TNFRSF8: variants seen among roughly 807,000 people sequenced by gnomAD.
TNFRSF8 encodes the protein TNF receptor superfamily member 8, also known as tumor necrosis factor receptor superfamily member 8.
TNFRSF8 carries 26 observed loss-of-function variants against 70.8 expected under a neutral mutation model. The observed-to-expected ratio is 0.37, with a 90% confidence interval of 0.27 to 0.51. The LOEUF is 0.51. Ranked by LOEUF, TNFRSF8 falls within the 20% of genes least tolerant of loss-of-function variation. The pLI, the probability that TNFRSF8 is intolerant of heterozygous loss-of-function variation, is 0.94. For synonymous variants in TNFRSF8, 356 were observed against 339.2 expected (o/e 1.05, Z -0.54); for missense variants, 720 against 807.9 (o/e 0.89, Z 1.32).
In TNFRSF8 at chr1:12,073,026, G is replaced by A. The variant is rs572776331; in HGVS notation, c.63+9365G>A. On this transcript the variant is annotated intron_variant, in intron 1 of 14. Transcript: ENST00000263932. ...CACCAGGCTGGGCGCCAAGGCTCAC[G>A]CCTGTATTCCCAGCATTCTGGGAGG... 7.4e-4 allele frequency among the ~76,000 whole-genome samples: 113 copies of A among 152,332 alleles called. 2 individuals carry two copies. The South Asian group carries it at 0.018, about 24-fold the overall frequency.
At chr1:12,121,382 G>T (rs1017124586) in intron 8 of TNFRSF8, among the ~76,000 whole-genome samples, 1 of 152,196 alleles carries the variant, frequency 6.6e-6, no homozygotes, top group African/African-American at 2.4e-5. Flanking sequence ...TATGTGTGTG[G>T]GGTTGCTTTG....
intron 12 of TNFRSF8, among the ~76,000 whole-genome samples, chr1:12,126,780 T>C (rs927764035): frequency 6.6e-6 from 1 of 152,240 alleles, no homozygotes; most frequent in African/African-American, 2.4e-5. Context: ...AGTTTCCTCA[T>C]CCGGAAAATG....
At chr1:12,126,804 C>CT (rs1641949341) in intron 12 of TNFRSF8, among the ~76,000 whole-genome samples, 1 of 152,254 alleles carries the variant, frequency 6.6e-6, no homozygotes, top group Non-Finnish European at 1.5e-5. Context: ...ATGGTAGAAT[C>CT]TACTTCAGAG....
intron 8 of TNFRSF8, among the ~76,000 whole-genome samples, chr1:12,116,301 C>T (rs1641728788): frequency 6.6e-6 from 1 of 152,060 alleles, no homozygotes; most frequent in Non-Finnish European, 1.5e-5. Context: ...AAAATCTTGA[C>T]CTGTTTGCAA....
intron 4 of TNFRSF8, among the ~76,000 whole-genome samples, chr1:12,105,954 A>G (rs943449600): frequency 4.0e-5 from 6 of 151,706 alleles, no homozygotes; most frequent in African/African-American, 7.3e-5. Context: ...AAAAAAAAAA[A>G]AAAAGAAAAC....
intron 3 of TNFRSF8, among the ~76,000 whole-genome samples, chr1:12,099,232 C>T (rs1641379318): frequency 6.6e-6 from 1 of 152,092 alleles, no homozygotes; most frequent in African/African-American, 2.4e-5. Context: ...CTCACTACAA[C>T]CTCTACCTCC....
intron 8 of TNFRSF8, 28 bp downstream of exon 8, chr1:12,115,757 C>G (rs1243712795): frequency 6.2e-7 from 1 of 1,609,656 alleles, no homozygotes; most frequent in Non-Finnish European, 8.5e-7. Flanking sequence ...CAGGCCTCGA[C>G]CACAGGGTGG....
chr1:12,124,269 A>G (rs1184927056), intron 10 of TNFRSF8, among the ~76,000 whole-genome samples: 1 of 151,932 alleles, frequency 6.6e-6, no homozygotes, highest in African/African-American at 2.4e-5. Flanking sequence ...TCAGCCTCCC[A>G]AAGTGCTAGG....
intron 2 of TNFRSF8, among the ~76,000 whole-genome samples, chr1:12,087,219 G>A (rs1295729367): frequency 6.9e-6 from 1 of 145,072 alleles, no homozygotes; most frequent in African/African-American, 2.6e-5. Flanking sequence ...CCAGGCTGGA[G>A]TACGGTGGTG....
At position 12,096,882 on chromosome 1, in the gene TNFRSF8, T is replaced by C. The variant is rs528920482; in HGVS notation, c.152-219T>C. 6.5e-4 allele frequency among the ~76,000 whole-genome samples: 99 copies of C among 152,366 alleles called. 1 individual carries two copies. The highest frequency in any genetic ancestry group is 2.3e-3 in the African/African-American group (95 of 41,590). ...GAATCCCAGGCCCAGCTCTTCTCTATAACTATGTTGCTTTTCCTTGCCTGC... is the reference window on the plus strand; with the variant it reads ...GAATCCCAGGCCCAGCTCTTCTCTACAACTATGTTGCTTTTCCTTGCCTGC... On this transcript the variant is annotated intron_variant, in intron 2 of 14. Coordinates refer to ENST00000263932, the MANE Select transcript of TNFRSF8 (RefSeq NM_001243.5).
At chr1:12,136,870 C>CTTTTT (rs201470263) in intron 13 of TNFRSF8, among the ~76,000 whole-genome samples, 4 of 118,698 alleles carry the variant, frequency 3.4e-5, no homozygotes, top group Non-Finnish European at 7.0e-5. Flanking sequence ...ATACTCAGTT[C>CTTTTT]TTTTTTTTTT....
chr1:12,105,412 T>C (rs1641502190), intron 4 of TNFRSF8, among the ~76,000 whole-genome samples: 1 of 152,072 alleles, frequency 6.6e-6, no homozygotes, highest in African/African-American at 2.4e-5. Context: ...CCTCGAGTCC[T>C]GTAGATTTGG....
At chr1:12,091,037 G>A (rs1193310811) in intron 2 of TNFRSF8, among the ~76,000 whole-genome samples, 2 of 152,206 alleles carry the variant, frequency 1.3e-5, no homozygotes, top group Admixed American at 1.3e-4. Context: ...AAGACTGTGG[G>A]AGGACATGGG....
chr1:12,131,886 C>T (rs930068646), intron 12 of TNFRSF8, among the ~76,000 whole-genome samples: 2 of 151,988 alleles, frequency 1.3e-5, no homozygotes, highest in African/African-American at 2.4e-5. Flanking sequence ...CTCTGCTTCC[C>T]GGGTTCCAGC....
Position 12,109,511 on chromosome 1 carries a change from G to C in TNFRSF8, c.422-55G>C. 6.8e-7 allele frequency: 1 copy of C among 1,463,940 alleles called. No individual in the cohort carries two copies. The highest frequency in any genetic ancestry group is 1.2e-5 in the South Asian group (1 of 86,162). 90.7% of individuals were successfully genotyped at this position (1,463,940 alleles called of 1,614,324 possible). On this transcript the variant is annotated intron_variant, in intron 4 of 14. Coordinates refer to ENST00000263932, the MANE Select transcript of TNFRSF8 (RefSeq NM_001243.5). This position sits in a 1 kb window ranked among gnomAD's most constrained non-coding sequence, Gnocchi z 4.4. ...CCTGTGGTAGTGAAGGGTGTATTCCGGGAGACTTTGGGTCCCCAACACTGA... is the reference window on the plus strand; with the variant it reads ...CCTGTGGTAGTGAAGGGTGTATTCCCGGAGACTTTGGGTCCCCAACACTGA...
chr1:12,123,602 G>T, intron 9 of TNFRSF8, 113 bp from the exon 10 acceptor site: 1 of 1,041,976 alleles, frequency 9.6e-7, no homozygotes. Flanking sequence ...CGGGGCAGAG[G>T]ATCTAGGGGC....
intron 1 of TNFRSF8, among the ~76,000 whole-genome samples, chr1:12,083,855 C>T (rs11569816): frequency 0.018 from 2,680 of 152,248 alleles, 252 homozygotes; most frequent in Admixed American, 0.15. Context: ...GAATGGACTG[C>T]GTAATTCTAC....
Position 12,119,447 on chromosome 1 carries a change from C to T in TNFRSF8, c.946+3718C>T, listed in dbSNP as rs1641790762. Among the ~76,000 whole-genome samples, 2 of 152,092 alleles carry T rather than the reference C, an allele frequency of 1.3e-5. No individual in the cohort carries two copies. The highest frequency in any genetic ancestry group is 1.5e-5 in the Non-Finnish European group (1 of 68,042). Reference sequence around the variant, plus strand: ...AAGCAGGATTAATGGAAATTACCCACGCTACATGTAATAGATGCACCACCA... The same window carrying T: ...AAGCAGGATTAATGGAAATTACCCATGCTACATGTAATAGATGCACCACCA... On this transcript the variant is annotated intron_variant, in intron 8 of 14. Transcript: ENST00000263932. This position sits in a 1 kb window ranked among gnomAD's most constrained non-coding sequence, Gnocchi z 4.4.
Position 12,104,502 on chromosome 1 carries a change from G to C in TNFRSF8, c.392G>C (p.Cys131Ser). The C allele has an allele frequency of 6.2e-7, 1 of 1,614,196 alleles. No individual in the cohort carries two copies. The highest frequency in any genetic ancestry group is 8.5e-7 in the Non-Finnish European group (1 of 1,180,042). Reference protein sequence around the residue: ...SCARCFFHSVCPAGMIVKFPG... With the variant: ...SCARCFFHSVSPAGMIVKFPG... ...GCCCGCTGCTTCTTCCATTCTGTCTGTCCGGCAGGGATGATTGTCAAGTTC... is the reference window on the plus strand; with the variant it reads ...GCCCGCTGCTTCTTCCATTCTGTCTCTCCGGCAGGGATGATTGTCAAGTTC... The change falls in exon 4 of 15, where the codon TGT becomes TCT. Residue 131 changes from cysteine to serine, a missense_variant. By Grantham distance (112) the Cys-to-Ser change is moderately radical. Coordinates refer to ENST00000263932, the MANE Select transcript of TNFRSF8 (RefSeq NM_001243.5).
Sources: allele counts gnomAD v4.1 joint callset (sites outside exome capture counted in the v4.1 genomes callset), GRCh38; gene constraint gnomAD v4.1.1; non-coding constraint Gnocchi (gnomAD v3.1); transcripts MANE v1.5; gene names NCBI Gene and HGNC (gene_info 2026-07-23, HGNC 2026-07-21).